Variants in LARGE1 observed in about 807,000 individuals in gnomAD.
LARGE1 encodes the protein xylosyl- and glucuronyltransferase LARGE1.
A neutral mutation model predicts 87.6 loss-of-function variants in LARGE1; 43 were observed. That is an observed-to-expected ratio of 0.49 (90% CI 0.38 to 0.63). The LOEUF is 0.63. Ranked by LOEUF, LARGE1 falls within the 30% of genes least tolerant of loss-of-function variation. The pLI is 0.00. For missense variants in LARGE1, 802 were observed against 1,000.2 expected (o/e 0.80, Z 2.67); for synonymous variants, 434 against 394.6 (o/e 1.10, Z -1.18).
At chr22:33,363,907 C>T (rs887555406) in intron 9 of LARGE1, among the ~76,000 whole-genome samples, 7 of 149,246 alleles carry the variant, frequency 4.7e-5, no homozygotes, top group Admixed American at 1.3e-4. Flanking sequence ...ATTCACCTCC[C>T]GGGTGGGACT....
At chr22:33,451,130 C>T (rs996036602) in intron 6 of LARGE1, among the ~76,000 whole-genome samples, 2 of 152,080 alleles carry the variant, frequency 1.3e-5, no homozygotes, top group African/African-American at 2.4e-5. Flanking sequence ...CCTGGCATGG[C>T]GTTAAATCAC....
the LARGE1 span, among the ~76,000 whole-genome samples, chr22:33,117,190 C>A: frequency 5.9e-5 from 9 of 152,182 alleles, no homozygotes; most frequent in Non-Finnish European, 1.3e-4. Flanking sequence ...CTATCTAATT[C>A]TGGTCTTCCA....
intron 2 of LARGE1, among the ~76,000 whole-genome samples, chr22:33,678,105 C>T (rs148572410): frequency 1.4e-4 from 22 of 152,148 alleles, no homozygotes; most frequent in African/African-American, 5.3e-4. Context: ...AGAAGTGGGA[C>T]GTATTTACTC....
intron 11 of LARGE1, among the ~76,000 whole-genome samples, chr22:33,242,385 A>C (rs1393437098): frequency 6.6e-6 from 1 of 152,156 alleles, no homozygotes; most frequent in East Asian, 1.9e-4. Flanking sequence ...GATTTCTTAA[A>C]CTAGAACAGA....
chr22:33,587,080 G>T (rs1002320465), intron 5 of LARGE1, among the ~76,000 whole-genome samples: 12 of 152,028 alleles, frequency 7.9e-5, no homozygotes, highest in Non-Finnish European at 1.6e-4. Context: ...TCCACTTATT[G>T]AAGCAACATT....
At chr22:33,570,907 C>A (rs548046660) in intron 5 of LARGE1, among the ~76,000 whole-genome samples, 2 of 152,090 alleles carry the variant, frequency 1.3e-5, no homozygotes, top group South Asian at 4.2e-4. Flanking sequence ...AGAAGAGCAC[C>A]CTCGAAGGCA....
At chr22:33,618,373 T>A (rs2079642192) in intron 4 of LARGE1, among the ~76,000 whole-genome samples, 1 of 152,220 alleles carries the variant, frequency 6.6e-6, no homozygotes, top group Non-Finnish European at 1.5e-5. Context: ...GACTGATTCA[T>A]CTGTGACCTT....
At chr22:33,789,468 A>G (rs1403419179) in intron 1 of LARGE1, among the ~76,000 whole-genome samples, 5 of 152,204 alleles carry the variant, frequency 3.3e-5, no homozygotes, top group African/African-American at 1.2e-4. Flanking sequence ...CCACTGGGGC[A>G]CTGCCTAGTG....
intron 2 of LARGE1, among the ~76,000 whole-genome samples, chr22:33,743,753 G>C (rs9609863): frequency 0.028 from 4,207 of 152,308 alleles, 84 homozygotes; most frequent in Middle Eastern, 0.044. Flanking sequence ...TGATGAAAGG[G>C]AGTCCTCGAC....
intron 11 of LARGE1, among the ~76,000 whole-genome samples, chr22:33,309,815 C>T (rs1055200924): frequency 1.3e-5 from 2 of 151,934 alleles, no homozygotes; most frequent in Non-Finnish European, 2.9e-5. Context: ...CAGCACAGGA[C>T]GGTGAGGGGC....
intron 6 of LARGE1, among the ~76,000 whole-genome samples, chr22:33,459,428 G>A (rs1023231127): frequency 6.8e-6 from 1 of 147,768 alleles, no homozygotes; most frequent in African/African-American, 2.5e-5. Flanking sequence ...AACAAAGCTC[G>A]CTCGCTCTCT....
At chr22:33,159,734 G>A (rs1382892948), downstream of LARGE1, among the ~76,000 whole-genome samples, 4 of 151,600 alleles carry the variant, frequency 2.6e-5, no homozygotes, top group African/African-American at 9.7e-5. Flanking sequence ...ACAGGCACCC[G>A]CCACCACGCC....
intron 1 of LARGE1, among the ~76,000 whole-genome samples, chr22:33,918,302 C>T (rs2065845270): frequency 6.6e-6 from 1 of 152,192 alleles, no homozygotes; most frequent in African/African-American, 2.4e-5. Flanking sequence ...AGCTACTGCT[C>T]ACTCCAGAGC....
At chr22:33,297,567 C>T (rs111627526) in intron 12 of LARGE1, among the ~76,000 whole-genome samples, 19 of 147,330 alleles carry the variant, frequency 1.3e-4, no homozygotes, top group African/African-American at 4.1e-4. Flanking sequence ...GAGCCAAGAT[C>T]GTGCCACTGC....
chr22:33,858,681 C>G (rs1216159776), intron 1 of LARGE1, among the ~76,000 whole-genome samples: 1 of 152,180 alleles, frequency 6.6e-6, no homozygotes, highest in African/African-American at 2.4e-5. Flanking sequence ...AGTCCTGTCT[C>G]TCACCATTAC....
At chr22:33,648,764 A>G (rs1367806267) in intron 3 of LARGE1, among the ~76,000 whole-genome samples, 1 of 152,208 alleles carries the variant, frequency 6.6e-6, no homozygotes, top group African/African-American at 2.4e-5. Context: ...AATGTGCAGC[A>G]TTTATCACGT....
At chr22:33,106,780 G>C in the LARGE1 span, among the ~76,000 whole-genome samples, 1 of 152,208 alleles carries the variant, frequency 6.6e-6, no homozygotes, top group Admixed American at 6.5e-5. Context: ...ACAGGCGTGA[G>C]CCACTGCGCC....
Position 33,564,889 on chromosome 22 carries a change from G to A in LARGE1, c.746C>T (p.Thr249Ile), listed in dbSNP as rs1256101536. Residue 249 changes from threonine (T) to isoleucine (I), a missense_variant, in exon 6 of 15, where the codon ACT becomes ATT. By Grantham distance (89) the Thr-to-Ile change is moderately conservative. Around this residue, in one of 2 missense-constraint regions of LARGE1, gnomAD observed 625 missense variants for 841.9 expected, o/e 0.74. Transcript: ENST00000397394. ...IVLDTDITFA[T>I]DIAELWAVFH... is the part of the protein sequence containing the mutation. ...CACAGCCCACAGCTCTGCAATGTCA[G>A]TGGCAAAGGTGATATCCGTGTCAAG... 1 of 1,614,214 alleles carries A rather than the reference G, an allele frequency of 6.2e-7. No homozygotes were observed. The highest frequency in any genetic ancestry group is 8.5e-7 in the Non-Finnish European group (1 of 1,180,038).
At chr22:33,398,879 G>C (rs978620797) in intron 7 of LARGE1, among the ~76,000 whole-genome samples, 1 of 152,186 alleles carries the variant, frequency 6.6e-6, no homozygotes, top group African/African-American at 2.4e-5. Context: ...GGAAGAATCA[G>C]AAGAATTTTC....
Sources: allele counts gnomAD v4.1 joint callset (sites outside exome capture counted in the v4.1 genomes callset), GRCh38; gene constraint gnomAD v4.1.1; regional missense constraint gnomAD v4.1.1; transcripts MANE v1.5; gene names NCBI Gene and HGNC (gene_info 2026-07-23, HGNC 2026-07-21).